Variants in YWHAE observed in about 807,000 individuals in gnomAD.
YWHAE encodes the protein tyrosine 3-monooxygenase/tryptophan 5-monooxygenase activation protein epsilon.
Under a neutral mutation model 30.1 loss-of-function variants are expected in YWHAE, and 4 were observed. The observed-to-expected ratio is 0.13, with a 90% CI of 0.07 to 0.30. The LOEUF (loss-of-function observed/expected upper bound fraction) is 0.30, where lower values mean the gene tolerates loss of function less well. YWHAE is among the 10% of genes least tolerant of loss of function. YWHAE has a pLI of 1.00. For missense variants in YWHAE, 121 were observed against 315.9 expected, an observed-to-expected ratio of 0.38 and a Z score of 4.68; for synonymous variants, 118 against 111.8, an observed-to-expected ratio of 1.06 and a Z score of -0.35.
intron 1 of YWHAE, 134 bp from the exon 2 acceptor site, chr17:1,365,192 CTAATA>C: frequency 1.9e-6 from 2 of 1,044,892 alleles, no homozygotes; most frequent in Non-Finnish European, 2.7e-6. Context: ...ATCATCAAAA[CTAATA>C]TGAGTAAAAA....
At position 1,382,618 on chromosome 17, in the gene YWHAE, C is replaced by T. The variant is rs563786792; in HGVS notation, c.64+17429G>A. On this transcript the variant is annotated intron_variant, in intron 1 of 5. Transcript: ENST00000264335. ...CCTGTGATCCACCCGCCTCGGCCTC[C>T]CAAAGTGCTAGGATTACAGGCGTGA... Among the ~76,000 whole-genome samples the T allele has an allele frequency of 1.6e-4, 24 of 152,144 alleles. 1 individual carries two copies. The South Asian group carries it at 5.0e-3, about 32-fold the overall frequency.
intron 4 of YWHAE, among the ~76,000 whole-genome samples, chr17:1,357,710 A>AAGGTG (rs2072777432): frequency 6.6e-6 from 1 of 151,836 alleles, no homozygotes; most frequent in African/African-American, 2.4e-5. Flanking sequence ...TGGATCACTT[A>AAGGTG]AGGTGAGGTG....
At chr17:1,351,994 GGCT>G (rs2072642955) in intron 5 of YWHAE, 1 of 151,248 alleles carries the variant, frequency 6.6e-6, no homozygotes, top group South Asian at 2.1e-4. Context: ...ATGTTGCCCA[GGCT>G]GGTCTTGAAC....
intron 4 of YWHAE, among the ~76,000 whole-genome samples, chr17:1,354,979 T>A (rs1169429792): frequency 1.3e-5 from 1 of 74,454 alleles, no homozygotes; most frequent in African/African-American, 9.8e-5. Context: ...TTTTTTTTTT[T>A]TTTTTTTTTT....
intron 1 of YWHAE, among the ~76,000 whole-genome samples, chr17:1,386,604 C>T (rs1319449871): frequency 1.3e-5 from 2 of 152,070 alleles, no homozygotes; most frequent in Non-Finnish European, 2.9e-5. Context: ...TCAAGGACAA[C>T]TTTTACTCTT....
intron 1 of YWHAE, among the ~76,000 whole-genome samples, chr17:1,397,603 A>G (rs1291740212): frequency 6.6e-6 from 1 of 152,214 alleles, no homozygotes; most frequent in East Asian, 1.9e-4. Flanking sequence ...GCATTTGGGT[A>G]CAAGTACCCA....
At chr17:1,378,176 T>C (rs2073152253) in intron 1 of YWHAE, among the ~76,000 whole-genome samples, 1 of 152,226 alleles carries the variant, frequency 6.6e-6, no homozygotes, top group Non-Finnish European at 1.5e-5. Context: ...AAAGGAGTCA[T>C]CACAGAAAAT....
chr17:1,381,679 G>A (rs1306333978), intron 1 of YWHAE, among the ~76,000 whole-genome samples: 2 of 152,082 alleles, frequency 1.3e-5, no homozygotes, highest in African/African-American at 2.4e-5. Context: ...ACTTTGGGAG[G>A]CCAACGCGGG....
intron 1 of YWHAE, among the ~76,000 whole-genome samples, chr17:1,371,859 G>A (rs1026678695): frequency 4.2e-4 from 56 of 132,762 alleles, no homozygotes; most frequent in African/African-American, 1.6e-3. Context: ...TTTTTTTTGA[G>A]ACAGAATTTC....
chr17:1,350,029 C>G (rs769341081), intron 5 of YWHAE, among the ~76,000 whole-genome samples: 2 of 149,448 alleles, frequency 1.3e-5, no homozygotes, highest in African/African-American at 2.5e-5. Context: ...CTCAGTTGAT[C>G]ACAACCTCCA....
At chr17:1,393,787 C>T (rs59292939) in intron 1 of YWHAE, among the ~76,000 whole-genome samples, 4,428 of 152,066 alleles carry the variant, frequency 0.029, 187 homozygotes, top group African/African-American at 0.093. Flanking sequence ...GTGACATCTG[C>T]CTACAATAAA....
chr17:1,354,411 G>A (rs2072692548), intron 4 of YWHAE, 64 bp from the exon 5 acceptor site: 30 of 1,492,972 alleles, frequency 2.0e-5, no homozygotes, highest in Admixed American at 7.6e-5. Flanking sequence ...GAAATGACAT[G>A]CTAGACAGCA....
chr17:1,390,904 T>A (rs2073380181), intron 1 of YWHAE, among the ~76,000 whole-genome samples: 1 of 152,188 alleles, frequency 6.6e-6, no homozygotes, highest in African/African-American at 2.4e-5. Flanking sequence ...GGTCATATGG[T>A]CTGAACTACA....
chr17:1,353,466 G>GAA (rs1325656494), intron 5 of YWHAE, among the ~76,000 whole-genome samples: 1 of 143,444 alleles, frequency 7.0e-6, no homozygotes, highest in Admixed American at 7.1e-5. Context: ...GAAAAGAAAA[G>GAA]AAAAGAATAA....
At chr17:1,388,297 G>C (rs1310670963) in intron 1 of YWHAE, among the ~76,000 whole-genome samples, 1 of 150,448 alleles carries the variant, frequency 6.6e-6, no homozygotes, top group Non-Finnish European at 1.5e-5. Context: ...TGGGCGGATC[G>C]TGAGATCAGG....
At chr17:1,368,916 A>T (rs2072987831) in intron 1 of YWHAE, among the ~76,000 whole-genome samples, 2 of 152,158 alleles carry the variant, frequency 1.3e-5, no homozygotes, top group Admixed American at 1.3e-4. Flanking sequence ...TACTACCAAA[A>T]ATTTAAGTTA....
At chr17:1,353,446 AAAAAG>A (rs200337928) in intron 5 of YWHAE, among the ~76,000 whole-genome samples, 15,854 of 139,986 alleles carry the variant, frequency 0.11, 1,647 homozygotes, top group East Asian at 0.51. Flanking sequence ...TCAAAAAAAA[AAAAAG>A]AAAAGAAAAG....
chr17:1,395,802 G>A (rs997641418), intron 1 of YWHAE, among the ~76,000 whole-genome samples: 1 of 152,172 alleles, frequency 6.6e-6, no homozygotes, highest in South Asian at 2.1e-4. Flanking sequence ...AAGCTAGCTA[G>A]AGATGAGGAT....
At chr17:1,364,655 TACAG>T in intron 2 of YWHAE, 200 bp downstream of exon 2, 1 of 632,808 alleles carries the variant, frequency 1.6e-6, no homozygotes, top group Non-Finnish European at 2.7e-6. Flanking sequence ...CCAAACCTGA[TACAG>T]ACTATGTTTT....
Sources: gnomAD v4.1 joint callset for allele counts (sites outside exome capture counted in the v4.1 genomes callset) on GRCh38, gnomAD v4.1.1 for gene constraint, MANE v1.5 for transcripts, NCBI Gene and HGNC (gene_info 2026-07-23, HGNC 2026-07-21) for gene names.